The following PSMD6 variants were observed in gnomAD, a reference collection of about 807,000 sequenced individuals.
PSMD6 encodes proteasome 26S subunit, non-ATPase 6, also known as 26S proteasome non-ATPase regulatory subunit 6.
PSMD6 carries 7 observed loss-of-function variants against 44.9 expected under a neutral mutation model. That is an observed-to-expected ratio of 0.16 (90% CI 0.09 to 0.29). PSMD6 has a LOEUF of 0.29. Ranked by LOEUF, PSMD6 falls within the 10% of genes least tolerant of loss-of-function variation. PSMD6 has a pLI of 1.00. For missense variants in PSMD6, 420 were observed against 482.6 expected (o/e 0.87, Z 1.21); for synonymous variants, 184 against 172.7 (o/e 1.07, Z -0.51).
intron 6 of PSMD6, chr3:64,012,420 C>CCTCTAAGAGCTA (rs1222392770): frequency 6.6e-6 from 1 of 152,298 alleles, no homozygotes; most frequent in African/African-American, 2.4e-5. Context: ...GGTAACATCT[C>CCTCTAAGAGCTA]CTCTAAGAGC....
Position 64,018,612 on chromosome 3 carries a change from G to A in PSMD6, c.813C>T (p.Phe271=), listed in dbSNP as rs139387945. ...CCCTATCCTTACCTAATGATTGGAA[G>A]AAAACAGAGTAACGGCATTCATAGA... is the stretch of plus-strand genomic sequence containing the variant. ...FSLYECRYSV[F]FQSLAVVEQE... is the part of the protein sequence containing the mutation. The change falls in exon 5 of 8, where the codon TTC becomes TTT. Residue 271 remains phenylalanine, a synonymous_variant. Transcript: ENST00000295901. 818 of 1,567,856 alleles carry A rather than the reference G, an allele frequency of 5.2e-4. 1 individual carries two copies. Among genetic ancestry groups the A allele is most frequent in the Non-Finnish European group, 6.6e-4 (749 of 1,138,544 alleles).
rs147452099 is a variant in PSMD6, at chr3:64,013,501, A to G, written c.933T>C (p.Tyr311=). 124 of 1,613,736 alleles carry G rather than the reference A, an allele frequency of 7.7e-5. No homozygotes were observed. In the African/African-American group the frequency reaches 1.4e-3, roughly 19 times the overall value. The change falls in exon 6 of 8, where the codon TAT becomes TAC. Residue 311 remains tyrosine (Y), a synonymous_variant. Transcript: ENST00000295901. ...IHAYSQLLES[Y]RSLTLGYMAE... ...CCATATAGCCAAGGGTTAATGACCTATATGATTCCAGCAGCTGACTGTATG... is the reference window on the plus strand; with the variant it reads ...CCATATAGCCAAGGGTTAATGACCTGTATGATTCCAGCAGCTGACTGTATG...
rs764380510 is a variant in PSMD6, at chr3:64,022,386, G to A, written c.283C>T (p.Leu95=). 2.5e-6 allele frequency: 4 copies of A among 1,614,184 alleles called. No individual in the cohort carries two copies. The highest frequency in any genetic ancestry group is 2.7e-5 in the African/African-American group (2 of 75,054). ...GCATCGCGAATTTCGCTCTCTCCTAGATTCTTCTCTGCATCTTCCAGCTCC... is the reference window on the plus strand; with the variant it reads ...GCATCGCGAATTTCGCTCTCTCCTAAATTCTTCTCTGCATCTTCCAGCTCC... The part of the protein sequence containing the change: ...DEELEDAEKN[L]GESEIRDAMM... The change falls in exon 2 of 8, where the codon CTA becomes TTA. Residue 95 remains leucine, a synonymous_variant. Coordinates refer to ENST00000295901, the MANE Select transcript of PSMD6 (RefSeq NM_014814.3).
chr3:64,023,851 T>C (rs1406272531), upstream of PSMD6: 7 of 1,463,452 alleles, frequency 4.8e-6, no homozygotes, highest in Non-Finnish European at 6.5e-6. Context: ...TAAAATCATC[T>C]TCATGCTGCG....
chr3:64,013,738 C>T, intron 5 of PSMD6, 131 bp from the exon 6 acceptor site: 2 of 760,836 alleles, frequency 2.6e-6, no homozygotes, highest in Non-Finnish European at 3.9e-6. Flanking sequence ...TGCCCTTCCA[C>T]ATCATGTCAT....
intron 3 of PSMD6, 74 bp from the exon 4 acceptor site, chr3:64,019,111 G>C (rs2076092080): frequency 1.4e-6 from 2 of 1,450,588 alleles, no homozygotes; most frequent in African/African-American, 2.9e-5. Flanking sequence ...TCTGTTATTT[G>C]AAATGAGAAA....
chr3:64,020,428 A>T (rs1018342634), intron 2 of PSMD6, among the ~76,000 whole-genome samples: 2 of 152,232 alleles, frequency 1.3e-5, no homozygotes, highest in Non-Finnish European at 2.9e-5. Context: ...CAACTTCCTG[A>T]TACTGATTCA....
rs769607742 is a variant in PSMD6, at chr3:64,023,424, G to A, written c.-5C>T. ...CTCCAGGTTCTCCAGCGGCATCGCG[G>A]CGAAGGGGACAGCGGCTGACAGGAC... On this transcript the variant is annotated 5_prime_UTR_variant, in exon 1 of 8. Transcript: ENST00000295901. 2 of 1,596,484 alleles carry A rather than the reference G, an allele frequency of 1.3e-6. No homozygotes were observed. Among genetic ancestry groups the A allele is most frequent in the East Asian group, 2.3e-5 (1 of 43,506 alleles).
chr3:64,014,912 C>T (rs2076019110), intron 5 of PSMD6: 2 of 152,182 alleles, frequency 1.3e-5, no homozygotes, highest in African/African-American at 4.8e-5. Context: ...CAGTCTAAGG[C>T]AGTCAGACAC....
At chr3:64,021,460 A>C (rs1359279770) in intron 2 of PSMD6, among the ~76,000 whole-genome samples, 2 of 152,260 alleles carry the variant, frequency 1.3e-5, no homozygotes, top group Admixed American at 1.3e-4. Context: ...ACTTTTTTAA[A>C]AATTGGTTCT....
rs761747743 is a variant in PSMD6 at position 64,019,319 on chromosome 3, T to C, written c.474A>G (p.Thr158=). 3.1e-6 allele frequency: 5 copies of C among 1,588,128 alleles called. 1 individual carries two copies. Among genetic ancestry groups the C allele is most frequent in the Admixed American group, 3.3e-5 (2 of 59,894 alleles). ...ACCTTTTGGCCTTTTCTGTGTTTCG[T>C]GTGATGAGATCATTATCCATATAAA... ...GLFYMDNDLI[T]RNTEKAKSLI... is the part of the protein sequence containing the mutation. The change falls in exon 3 of 8, where the codon ACA becomes ACG. Residue 158 remains threonine, a synonymous_variant. Coordinates refer to ENST00000295901, the MANE Select transcript of PSMD6 (RefSeq NM_014814.3).
rs774312168 is a variant in PSMD6 at position 64,023,366 on chromosome 3, A to G, written c.54T>C (p.Arg18=). Residue 18 remains arginine (R), a synonymous_variant, in exon 1 of 8, where the codon CGT becomes CGC. Transcript: ENST00000295901. ...TGAGCAGGAAGCGCAGCTGCGCGATACGCAAGTCGGGGTTCTTGGGCAGAC... is the reference window on the plus strand; with the variant it reads ...TGAGCAGGAAGCGCAGCTGCGCGATGCGCAAGTCGGGGTTCTTGGGCAGAC... ...EEGLPKNPDL[R]IAQLRFLLSL... 4.3e-6 allele frequency: 7 copies of G among 1,612,394 alleles called. No homozygotes were observed. The highest frequency in any genetic ancestry group is 5.9e-6 in the Non-Finnish European group (7 of 1,179,158).
At chr3:64,018,112 T>G (rs945126201) in intron 5 of PSMD6, among the ~76,000 whole-genome samples, 3 of 152,220 alleles carry the variant, frequency 2.0e-5, no homozygotes, top group African/African-American at 7.2e-5. Context: ...GATTTAGCTA[T>G]TTAGCTATTG....
At chr3:64,018,391 A>C in intron 5 of PSMD6, 1 of 419,772 alleles carries the variant, frequency 2.4e-6, no homozygotes, top group African/African-American at 2.1e-5. Context: ...TGTAAAAATC[A>C]TTCTTACCTC....
intron 6 of PSMD6, 77 bp from the exon 7 acceptor site, chr3:64,011,032 G>GTCTTAA: frequency 8.4e-7 from 1 of 1,197,126 alleles, no homozygotes; most frequent in Non-Finnish European, 1.2e-6. Flanking sequence ...TTAAAATACT[G>GTCTTAA]TCTTAAATTT....
chr3:64,019,331 A>G lies in PSMD6; in HGVS notation c.462T>C (p.Asn154=), dbSNP rs772838885. 3.8e-6 allele frequency: 6 copies of G among 1,592,900 alleles called. No individual in the cohort carries two copies. In the Admixed American group the frequency reaches 1.0e-4, roughly 27 times the overall value. The change falls in exon 3 of 8, where the codon AAT becomes AAC. Residue 154 remains asparagine, a synonymous_variant. Coordinates refer to ENST00000295901, the MANE Select transcript of PSMD6 (RefSeq NM_014814.3). ...TTTCTGTGTTTCGTGTGATGAGATC[A>G]TTATCCATATAAAATAAGCCAATCC... The part of the protein sequence containing the change: ...LLRIGLFYMD[N]DLITRNTEKA...
chr3:64,012,710 G>A (rs2106843500), intron 6 of PSMD6: 1 of 152,320 alleles, frequency 6.6e-6, no homozygotes, highest in Non-Finnish European at 1.5e-5. Context: ...CTGGCTCAAA[G>A]CCTTAGCCTT....
intron 6 of PSMD6, chr3:64,012,171 C>T (rs2075967661): frequency 7.5e-6 from 1 of 133,802 alleles, no homozygotes; most frequent in South Asian, 2.2e-4. Flanking sequence ...ATGTACTGTA[C>T]AATTCTTTCT....
intron 3 of PSMD6, 122 bp from the exon 4 acceptor site, chr3:64,019,159 A>T: frequency 1.4e-6 from 2 of 1,388,696 alleles, no homozygotes; most frequent in Non-Finnish European, 2.0e-6. Context: ...GAGATATTTA[A>T]ATTATTTTAC....
Sources: allele counts gnomAD v4.1 joint callset (sites outside exome capture counted in the v4.1 genomes callset), GRCh38; gene constraint gnomAD v4.1.1; transcripts MANE v1.5; gene names NCBI Gene and HGNC (gene_info 2026-07-23, HGNC 2026-07-21).